Variants in ASIC2 observed in about 807,000 individuals in gnomAD.
ASIC2 encodes acid-sensing ion channel 2.
Under a neutral mutation model 57.3 loss-of-function variants are expected in ASIC2, and 25 were observed. The ratio of observed to expected loss-of-function variants is 0.44; its 90% CI spans 0.32 to 0.61. The LOEUF is 0.61. ASIC2 is among the 20% of genes least tolerant of loss of function. The pLI, the probability that ASIC2 is intolerant of heterozygous loss-of-function variation, is 0.06. For synonymous variants in ASIC2, 319 were observed against 307.5 expected (o/e 1.04, Z -0.39); for missense variants, 641 against 738.1 (o/e 0.87, Z 1.52).
intron 1 of ASIC2, among the ~76,000 whole-genome samples, chr17:33,868,699 C>T (rs1177334961): frequency 2.0e-5 from 3 of 152,048 alleles, no homozygotes; most frequent in Non-Finnish European, 4.4e-5. Context: ...AAATCACGTA[C>T]CTAATCAAGT....
chr17:33,640,283 G>T (rs535471059), intron 1 of ASIC2, among the ~76,000 whole-genome samples: 2 of 152,268 alleles, frequency 1.3e-5, no homozygotes, highest in Non-Finnish European at 2.9e-5. Flanking sequence ...TAGAAAGAGA[G>T]TATTTAGAAG....
chr17:34,008,919 C>T (rs1906620733), intron 1 of ASIC2, among the ~76,000 whole-genome samples: 1 of 152,188 alleles, frequency 6.6e-6, no homozygotes, highest in Admixed American at 6.5e-5. Flanking sequence ...ACAACAAGGA[C>T]ATTTGGGCAT....
chr17:34,098,302 G>A (rs914903298), intron 1 of ASIC2, among the ~76,000 whole-genome samples: 1 of 152,154 alleles, frequency 6.6e-6, no homozygotes, highest in Non-Finnish European at 1.5e-5. Flanking sequence ...TTAACAGCTT[G>A]CAGAAAAAGG....
At chr17:33,172,210 A>G (rs1905548486) in intron 1 of ASIC2, among the ~76,000 whole-genome samples, 1 of 152,100 alleles carries the variant, frequency 6.6e-6, no homozygotes, top group Non-Finnish European at 1.5e-5. Context: ...TGTATCCTAT[A>G]CTCCCAAATG....
intron 1 of ASIC2, among the ~76,000 whole-genome samples, chr17:33,443,345 A>T (rs1238260350): frequency 6.7e-6 from 1 of 149,592 alleles, no homozygotes; most frequent in Non-Finnish European, 1.5e-5. Flanking sequence ...TAAAAATGTG[A>T]TAGAAGTCAC....
At chr17:33,068,468 G>C (rs971920801) in intron 3 of ASIC2, among the ~76,000 whole-genome samples, 1 of 152,176 alleles carries the variant, frequency 6.6e-6, no homozygotes, top group East Asian at 1.9e-4. Flanking sequence ...GGGAGGCAGA[G>C]GTTGCAGTAA....
intron 1 of ASIC2, among the ~76,000 whole-genome samples, chr17:33,569,841 G>A (rs1318336382): frequency 6.6e-6 from 1 of 152,202 alleles, no homozygotes. Context: ...TGGCTGTCAT[G>A]TGTCGCATGT....
chr17:33,919,688 A>G (rs1915668067), intron 1 of ASIC2, among the ~76,000 whole-genome samples: 1 of 152,230 alleles, frequency 6.6e-6, no homozygotes, highest in Non-Finnish European at 1.5e-5. Flanking sequence ...TAATTAAACT[A>G]AATCGCTCTG....
intron 1 of ASIC2, among the ~76,000 whole-genome samples, chr17:33,586,958 C>A (rs8082501): frequency 0.6 from 90,889 of 151,722 alleles, 28,279 homozygotes; most frequent in African/African-American, 0.78. Flanking sequence ...TAGCATCTAG[C>A]ACTGTGGCTG....
At chr17:34,099,082 G>C (rs1033765975) in intron 1 of ASIC2, among the ~76,000 whole-genome samples, 1 of 138,306 alleles carries the variant, frequency 7.2e-6, no homozygotes, top group East Asian at 2.2e-4. Flanking sequence ...AGAAAGAGCA[G>C]CAGCTACATT....
rs190333179 is a variant in ASIC2, at chr17:33,362,669, C to A, written c.556-250602G>T. 2.4e-3 allele frequency among the ~76,000 whole-genome samples: 372 copies of A among 152,350 alleles called. 1 individual carries two copies. Among genetic ancestry groups the A allele is most frequent in the African/African-American group, 8.4e-3 (351 of 41,582 alleles). On this transcript the variant is annotated intron_variant, in intron 1 of 9. Coordinates refer to the ASIC2 transcript ENST00000359872. ...AAGATAATGGATAGGAGAGCCCTTA[C>A]TCCTGCATTGTCTCCACTGACCCTT...
At chr17:33,923,887 C>G (rs1597931796) in intron 1 of ASIC2, among the ~76,000 whole-genome samples, 2 of 152,132 alleles carry the variant, frequency 1.3e-5, no homozygotes, top group East Asian at 3.9e-4. Flanking sequence ...ACCATTGACT[C>G]CATTCCCTAC....
intron 1 of ASIC2, among the ~76,000 whole-genome samples, chr17:33,893,451 C>T (rs913524594): frequency 6.6e-6 from 1 of 152,140 alleles, no homozygotes; most frequent in African/African-American, 2.4e-5. Flanking sequence ...TAACGTAGGT[C>T]AGGTATGGCA....
Position 34,156,158 on chromosome 17 carries a change from G to T in ASIC2, c.375C>A (p.Asp125Glu), listed in dbSNP as rs1311827537. ...GCACGGAGGGGTCAGCCAGATGGGGGTCCGGGATCTGCAGGTTGACATCCA... is the reference window on the plus strand; with the variant it reads ...GCACGGAGGGGTCAGCCAGATGGGGTTCCGGGATCTGCAGGTTGACATCCA... The change falls in exon 1 of 10, where the codon GAC (aspartate) becomes GAA (glutamate). Residue 125 changes from aspartate (D) to glutamate (E), a missense_variant. By Grantham distance (45) the Asp-to-Glu change is conservative. Coordinates refer to the ASIC2 transcript ENST00000359872. The surrounding 1 kb of genome is among the most constrained non-coding windows in gnomAD (Gnocchi z 4.4). The T allele has an allele frequency of 3.1e-6, 5 of 1,613,980 alleles. No homozygotes were observed. Among genetic ancestry groups the T allele is most frequent in the Non-Finnish European group, 3.4e-6 (4 of 1,180,044 alleles).
intron 1 of ASIC2, among the ~76,000 whole-genome samples, chr17:33,371,809 T>C (rs1006762383): frequency 2.6e-5 from 4 of 152,140 alleles, no homozygotes; most frequent in African/African-American, 4.8e-5. Context: ...TCCTTAGAGA[T>C]TGTTCTTTAG....
intron 2 of ASIC2, among the ~76,000 whole-genome samples, chr17:33,103,193 A>C (rs2092220768): frequency 6.6e-6 from 1 of 152,202 alleles, no homozygotes; most frequent in African/African-American, 2.4e-5. Context: ...AATTTTAATT[A>C]ACGTGTTTTG....
intron 1 of ASIC2, among the ~76,000 whole-genome samples, chr17:33,433,584 C>T (rs1433514402): frequency 6.6e-6 from 1 of 152,036 alleles, no homozygotes; most frequent in Non-Finnish European, 1.5e-5. Flanking sequence ...GGTGAAACCC[C>T]GTCTAAAATA....
intron 1 of ASIC2, among the ~76,000 whole-genome samples, chr17:33,264,962 G>A (rs1310643636): frequency 1.3e-5 from 2 of 152,244 alleles, no homozygotes; most frequent in Non-Finnish European, 2.9e-5. Flanking sequence ...GCCTAGCTAA[G>A]AACAGTTAAG....
At chr17:33,890,727 C>A (rs7213520) in intron 1 of ASIC2, among the ~76,000 whole-genome samples, 24,099 of 152,128 alleles carry the variant, frequency 0.16, 1,931 homozygotes, top group South Asian at 0.2. Flanking sequence ...CTCACTAAGC[C>A]CTCTTCTCCA....
Sources: allele counts gnomAD v4.1 joint callset (sites outside exome capture counted in the v4.1 genomes callset), GRCh38; gene constraint gnomAD v4.1.1; non-coding constraint Gnocchi (gnomAD v3.1); transcripts MANE v1.5; gene names NCBI Gene and HGNC (gene_info 2026-07-23, HGNC 2026-07-21).